Variants in AKR1C8 observed in about 807,000 individuals in gnomAD.
The protein encoded by AKR1C8 is aldo-keto reductase family 1 member C-like protein 1.
the AKR1C8 span, among the ~76,000 whole-genome samples, chr10:5,130,552 A>C: frequency 6.6e-6 from 1 of 152,004 alleles, no homozygotes; most frequent in South Asian, 2.1e-4. Flanking sequence ...AAAGTCTCCT[A>C]GATTTGATAA....
the AKR1C8 span, among the ~76,000 whole-genome samples, chr10:5,179,644 A>T: frequency 1.8e-5 from 2 of 108,182 alleles, no homozygotes; most frequent in African/African-American, 7.7e-5. Context: ...GTCTTTTCAC[A>T]TAGTCCCATA....
the AKR1C8 span, among the ~76,000 whole-genome samples, chr10:5,177,291 C>T: frequency 9.2e-5 from 14 of 151,924 alleles, no homozygotes; most frequent in South Asian, 2.1e-4. Flanking sequence ...TATTGATTTG[C>T]ATATATTGAA....
the AKR1C8 span, among the ~76,000 whole-genome samples, chr10:5,148,031 CT>C: frequency 6.6e-6 from 1 of 152,300 alleles, no homozygotes; most frequent in Admixed American, 6.5e-5. Context: ...TGAAACTCCC[CT>C]CCTTTTTTTG....
At chr10:5,118,120 C>A in the AKR1C8 span, among the ~76,000 whole-genome samples, 3 of 152,198 alleles carry the variant, frequency 2.0e-5, no homozygotes, top group African/African-American at 7.2e-5. Context: ...AAGGCAACTT[C>A]CTGCCAGTTA....
At chr10:5,168,458 T>G in the AKR1C8 span, among the ~76,000 whole-genome samples, 2 of 152,070 alleles carry the variant, frequency 1.3e-5, no homozygotes, top group Non-Finnish European at 2.9e-5. Context: ...AAATGCCTGA[T>G]AGTCATGGTA....
At chr10:5,123,752 C>T in the AKR1C8 span, 6 of 1,613,288 alleles carry the variant, frequency 3.7e-6, no homozygotes, top group Admixed American at 8.3e-5. Context: ...TGTGGGCAAC[C>T]AGAACAATGT....
chr10:5,133,257 C>T, the AKR1C8 span, among the ~76,000 whole-genome samples: 4 of 152,062 alleles, frequency 2.6e-5, no homozygotes, highest in African/African-American at 4.8e-5. Context: ...GCTATTATGC[C>T]AGTTAAATTT....
chr10:5,127,609 C>A, the AKR1C8 span, among the ~76,000 whole-genome samples: 1 of 122,588 alleles, frequency 8.2e-6, no homozygotes, highest in Non-Finnish European at 1.7e-5. Context: ...ATCCCAGCTA[C>A]TCAGGAGCCT....
the AKR1C8 span, among the ~76,000 whole-genome samples, chr10:5,171,572 A>G: frequency 6.6e-6 from 1 of 152,068 alleles, no homozygotes; most frequent in Non-Finnish European, 1.5e-5. Context: ...TTTTAAATTT[A>G]ATTTTTAATA....
the AKR1C8 span, among the ~76,000 whole-genome samples, chr10:5,130,830 C>T: frequency 6.6e-6 from 1 of 151,608 alleles, no homozygotes; most frequent in African/African-American, 2.4e-5. Flanking sequence ...AATCAATACT[C>T]TGAAAATGGC....
the AKR1C8 span, among the ~76,000 whole-genome samples, chr10:5,180,551 TTTTG>T: frequency 3.3e-5 from 5 of 152,170 alleles, no homozygotes; most frequent in Non-Finnish European, 7.3e-5. Context: ...ACTGCTGTCT[TTTTG>T]TTTGTCTGTG....
chr10:5,161,820 C>T, the AKR1C8 span: 8 of 534,480 alleles, frequency 1.5e-5, no homozygotes, highest in Non-Finnish European at 2.7e-5. Flanking sequence ...CATGATGAAA[C>T]AGTCTTGGGC....
the AKR1C8 span, among the ~76,000 whole-genome samples, chr10:5,141,339 G>T: frequency 6.6e-6 from 1 of 151,988 alleles, no homozygotes; most frequent in East Asian, 1.9e-4. Context: ...AGTTACCAAA[G>T]CCTTAACCCC....
the AKR1C8 span, among the ~76,000 whole-genome samples, chr10:5,137,519 T>C: frequency 2.7e-4 from 41 of 152,192 alleles, no homozygotes; most frequent in East Asian, 1.9e-4. Context: ...TCTCAATAGA[T>C]GGAGAAAAGG....
At chr10:5,132,636 C>T in the AKR1C8 span, 1 of 1,590,604 alleles carries the variant, frequency 6.3e-7, no homozygotes, top group African/African-American at 1.3e-5. Context: ...TCTCTTCACA[C>T]TGTCATCTGC....
At chr10:5,150,711 T>G in the AKR1C8 span, among the ~76,000 whole-genome samples, 12 of 151,990 alleles carry the variant, frequency 7.9e-5, 1 homozygote, top group East Asian at 2.3e-3. Context: ...CACTGTAAAA[T>G]AAGTCATTCA....
the AKR1C8 span, among the ~76,000 whole-genome samples, chr10:5,170,360 T>C: frequency 6.6e-6 from 1 of 152,162 alleles, no homozygotes; most frequent in African/African-American, 2.4e-5. Context: ...TTCCCATTTT[T>C]ATTAAAAGAC....
the AKR1C8 span, among the ~76,000 whole-genome samples, chr10:5,146,026 T>C: frequency 6.6e-6 from 1 of 151,850 alleles, no homozygotes; most frequent in Non-Finnish European, 1.5e-5. Context: ...CCATAAAAAA[T>C]GATAAGTTCA....
the AKR1C8 span, among the ~76,000 whole-genome samples, chr10:5,116,157 C>G: frequency 2.0e-5 from 3 of 152,102 alleles, no homozygotes; most frequent in Non-Finnish European, 4.4e-5. Context: ...TCTTCCTTAC[C>G]TCTGTTGTGA....
Sources: allele counts gnomAD v4.1 joint callset (sites outside exome capture counted in the v4.1 genomes callset), GRCh38; gene constraint gnomAD v4.1.1; transcripts MANE v1.5; gene names NCBI Gene and HGNC (gene_info 2026-07-23, HGNC 2026-07-21).